The following FMN2 variants were observed in gnomAD, a reference collection of about 807,000 sequenced individuals.
FMN2 encodes formin 2, also known as formin-2.
A neutral mutation model predicts 142.3 loss-of-function variants in FMN2; 51 were observed. The observed-to-expected ratio is 0.36, with a 90% CI of 0.29 to 0.45. FMN2 has a LOEUF of 0.45. Among genes scored for constraint, FMN2 ranks in the 20% least tolerant of loss-of-function variants. The probability of loss-of-function intolerance (pLI) is 1.00; values close to 1 mark genes in which losing one functional copy is unlikely to be tolerated. For missense variants in FMN2, 1,936 were observed against 2,122.8 expected, an observed-to-expected ratio of 0.91 and a Z score of 1.73; for synonymous variants, 882 against 869.8, an observed-to-expected ratio of 1.01 and a Z score of -0.25.
intron 16 of FMN2, among the ~76,000 whole-genome samples, chr1:240,442,269 G>A (rs145807798): frequency 0.011 from 1,660 of 152,240 alleles, 34 homozygotes; most frequent in African/African-American, 0.038. Context: ...CATAACCCAG[G>A]AGGACAGAGC....
At chr1:240,161,849 TAAAA>T (rs1664294909) in intron 2 of FMN2, among the ~76,000 whole-genome samples, 1 of 152,188 alleles carries the variant, frequency 6.6e-6, no homozygotes, top group East Asian at 1.9e-4. Context: ...ATGTGAAAGA[TAAAA>T]TAACAAACCT....
chr1:240,139,831 T>G (rs1663103766), intron 2 of FMN2, among the ~76,000 whole-genome samples: 1 of 152,108 alleles, frequency 6.6e-6, no homozygotes, highest in Non-Finnish European at 1.5e-5. Flanking sequence ...CAGGTAGATG[T>G]ATCGGAAGGT....
At chr1:240,286,328 G>A (rs1476752183) in intron 7 of FMN2, among the ~76,000 whole-genome samples, 1 of 152,140 alleles carries the variant, frequency 6.6e-6, no homozygotes, top group Admixed American at 6.6e-5. Flanking sequence ...CAGAGACTTA[G>A]ATTTAATTTC....
Position 240,144,709 on chromosome 1 carries a change from C to T in FMN2, c.1782+21364C>T, listed in dbSNP as rs558809785. 6.1e-5 allele frequency: 80 copies of T among 1,303,962 alleles called. 3 individuals carry two copies. In the African/African-American group the frequency reaches 8.2e-4, roughly 13 times the overall value. 80.8% of individuals were successfully genotyped at this position (1,303,962 alleles called of 1,614,324 possible). ...AAAGGCAGACCTTTGTGTATGCATT[C>T]TCATCAATGTCCTTCTCCAGCATGT... On this transcript the variant is annotated intron_variant, in intron 2 of 17. Transcript: ENST00000319653.
intron 7 of FMN2, among the ~76,000 whole-genome samples, chr1:240,287,955 T>C (rs1669648713): frequency 6.6e-6 from 1 of 152,176 alleles, no homozygotes; most frequent in African/African-American, 2.4e-5. Context: ...TGACATATTA[T>C]CTTTGTGTTC....
chr1:240,444,080 C>T (rs965591521), intron 16 of FMN2, among the ~76,000 whole-genome samples: 2 of 152,256 alleles, frequency 1.3e-5, no homozygotes, highest in East Asian at 3.9e-4. Flanking sequence ...GCTTCCAGAA[C>T]AACATCACTT....
chr1:240,203,839 A>AT (rs368877121), intron 4 of FMN2, among the ~76,000 whole-genome samples: 4 of 148,098 alleles, frequency 2.7e-5, no homozygotes, highest in Non-Finnish European at 5.9e-5. Flanking sequence ...AAAAAAGGTT[A>AT]TTTTTTTTCC....
At chr1:240,289,758 C>A (rs1366036375) in intron 7 of FMN2, among the ~76,000 whole-genome samples, 1 of 152,106 alleles carries the variant, frequency 6.6e-6, no homozygotes, top group Non-Finnish European at 1.5e-5. Flanking sequence ...TGTGAAAGAT[C>A]AACAAATTTG....
At chr1:240,427,329 C>G (rs1178085162) in intron 15 of FMN2, among the ~76,000 whole-genome samples, 1 of 152,034 alleles carries the variant, frequency 6.6e-6, no homozygotes, top group Admixed American at 6.6e-5. Flanking sequence ...CCTCAGCCTC[C>G]TGAGTAGCTT....
At chr1:240,322,706 C>T (rs1182385814) in intron 8 of FMN2, among the ~76,000 whole-genome samples, 1 of 152,106 alleles carries the variant, frequency 6.6e-6, no homozygotes, top group African/African-American at 2.4e-5. Flanking sequence ...ACCGAGGAAT[C>T]CACACGTGGA....
At chr1:240,472,059 T>C (rs1676828856) in intron 16 of FMN2, 1 of 218,140 alleles carries the variant, frequency 4.6e-6, no homozygotes, top group African/African-American at 2.3e-5. Context: ...TTTCATTTTT[T>C]ACTTGTATAT....
chr1:240,390,771 C>T (rs935227839), intron 14 of FMN2, among the ~76,000 whole-genome samples: 20 of 152,162 alleles, frequency 1.3e-4, no homozygotes, highest in African/African-American at 4.6e-4. Flanking sequence ...AATCAGGAAT[C>T]GAATACAGAT....
intron 6 of FMN2, among the ~76,000 whole-genome samples, chr1:240,229,595 T>C (rs761988318): frequency 3.9e-5 from 6 of 152,232 alleles, no homozygotes; most frequent in Non-Finnish European, 7.3e-5. Context: ...TTTCATGTGA[T>C]GATGCGCCAG....
intron 14 of FMN2, among the ~76,000 whole-genome samples, chr1:240,371,704 TATTA>T (rs1361135752): frequency 2.6e-5 from 4 of 152,216 alleles, no homozygotes; most frequent in Admixed American, 6.5e-5. Context: ...TCTGCCAGTT[TATTA>T]ATTTTCTGCT....
intron 2 of FMN2, chr1:240,144,898 G>A (rs1571979751): frequency 7.1e-7 from 1 of 1,413,232 alleles, no homozygotes; most frequent in East Asian, 2.3e-5. Context: ...CCAGGTGCCT[G>A]ATATACTCAT....
chr1:240,427,858 C>T (rs76576202), intron 15 of FMN2, among the ~76,000 whole-genome samples: 5,059 of 152,242 alleles, frequency 0.033, 267 homozygotes, highest in African/African-American at 0.12. Context: ...CTGACATATT[C>T]AGTTGTCCAT....
At chr1:240,116,035 G>A (rs1395906203) in intron 1 of FMN2, among the ~76,000 whole-genome samples, 1 of 152,208 alleles carries the variant, frequency 6.6e-6, no homozygotes, top group Non-Finnish European at 1.5e-5. Flanking sequence ...GCGGGTCCAT[G>A]CTAACGATTC....
At chr1:240,437,920 A>ACTGTTGGTGCTTGAAGAGCTT (rs1675456979) in intron 15 of FMN2, 141 bp from the exon 16 acceptor site, 4 of 978,172 alleles carry the variant, frequency 4.1e-6, no homozygotes, top group Non-Finnish European at 6.0e-6. Context: ...TAAGAGAGCT[A>ACTGTTGGTGCTTGAAGAGCTT]CTGTTGGTGC....
intron 7 of FMN2, among the ~76,000 whole-genome samples, chr1:240,273,926 G>T (rs1002069652): frequency 1.4e-4 from 22 of 152,118 alleles, no homozygotes; most frequent in African/African-American, 5.3e-4. Flanking sequence ...ATGTTAGGGT[G>T]TATGAGAGTG....
Sources: allele counts gnomAD v4.1 joint callset (sites outside exome capture counted in the v4.1 genomes callset), GRCh38; gene constraint gnomAD v4.1.1; transcripts MANE v1.5; gene names NCBI Gene and HGNC (gene_info 2026-07-23, HGNC 2026-07-21).